Variants in PCDH15 observed in about 807,000 individuals in gnomAD.
PCDH15 encodes protocadherin-15.
Under a neutral mutation model 178.5 loss-of-function variants are expected in PCDH15, and 129 were observed. The observed-to-expected ratio is 0.72, with a 90% confidence interval of 0.63 to 0.84. The LOEUF is 0.84. Ranked by LOEUF, PCDH15 falls within the 40% of genes least tolerant of loss-of-function variation. PCDH15 has a pLI of 0.00. For missense variants in PCDH15, 2,230 were observed against 2,099.9 expected (o/e 1.06, Z -1.21); for synonymous variants, 800 against 732.0 (o/e 1.09, Z -1.50).
chr10:53,924,044 T>C (rs1451465872), intron 25 of PCDH15, among the ~76,000 whole-genome samples: 2 of 152,160 alleles, frequency 1.3e-5, no homozygotes, highest in African/African-American at 4.8e-5. Context: ...CCTCGCTTGA[T>C]CTCAGCACCT....
chr10:55,453,805 C>G (rs957538610), intron 2 of PCDH15, among the ~76,000 whole-genome samples: 9 of 152,082 alleles, frequency 5.9e-5, no homozygotes, highest in East Asian at 1.9e-4. Context: ...CAGGCTTCTT[C>G]TTGCATTAAA....
intron 3 of PCDH15, among the ~76,000 whole-genome samples, chr10:54,485,822 G>T (rs2079061906): frequency 6.6e-6 from 1 of 151,972 alleles, no homozygotes; most frequent in Non-Finnish European, 1.5e-5. Context: ...CATAAATCTG[G>T]CAAAATAAAT....
At chr10:54,114,077 G>A (rs2095071875) in intron 15 of PCDH15, among the ~76,000 whole-genome samples, 1 of 152,102 alleles carries the variant, frequency 6.6e-6, no homozygotes, top group African/African-American at 2.4e-5. Flanking sequence ...AACACGTGGG[G>A]ATTATTACAA....
intron 2 of PCDH15, among the ~76,000 whole-genome samples, chr10:55,351,625 T>C (rs1844937520): frequency 6.6e-6 from 1 of 152,186 alleles, no homozygotes; most frequent in Non-Finnish European, 1.5e-5. Context: ...TTGTTTGCTT[T>C]CTCCACTGAA....
Position 54,593,728 on chromosome 10 carries a change from G to A in PCDH15, c.92-65851C>T, listed in dbSNP as rs372457075. 4.4e-3 allele frequency among the ~76,000 whole-genome samples: 674 copies of A among 152,156 alleles called. 3 individuals are homozygous for A. The highest frequency in any genetic ancestry group is 7.7e-3 in the Non-Finnish European group (522 of 68,004). On this transcript the variant is annotated intron_variant, in intron 2 of 37. Transcript: ENST00000644397. ...CTGTAAAGAATGCCATTGGAATTTTGACAGGGATTGCATGAACCTGTTGAT... is the reference window on the plus strand; with the variant it reads ...CTGTAAAGAATGCCATTGGAATTTTAACAGGGATTGCATGAACCTGTTGAT...
At position 54,522,927 on chromosome 10, in the gene PCDH15, G is replaced by A. The variant is rs537544082; in HGVS notation, c.157+4885C>T. On this transcript the variant is annotated intron_variant, in intron 3 of 37. Transcript: ENST00000644397. The stretch of plus-strand genomic sequence containing the variant: ...TAATTTTAATACTAAACTTTGACTA[G>A]GAACTATTGTCTTTCTTACTCAAAA... Among the ~76,000 whole-genome samples, 12 of 152,248 alleles carry A rather than the reference G, an allele frequency of 7.9e-5. No individual in the cohort carries two copies. The East Asian group carries it at 2.1e-3, about 27-fold the overall frequency.
chr10:54,092,694 G>A (rs1325324230), intron 15 of PCDH15, among the ~76,000 whole-genome samples: 1 of 152,026 alleles, frequency 6.6e-6, no homozygotes, highest in Non-Finnish European at 1.5e-5. Flanking sequence ...CTTGCATTCT[G>A]TTCTTTGCTA....
At chr10:54,708,079 G>T (rs988809145) in intron 1 of PCDH15, among the ~76,000 whole-genome samples, 2 of 152,200 alleles carry the variant, frequency 1.3e-5, no homozygotes, top group African/African-American at 4.8e-5. Context: ...TGCATATGTT[G>T]TAGGAACTAT....
At chr10:54,444,265 G>A (rs933658200) in intron 3 of PCDH15, among the ~76,000 whole-genome samples, 6 of 151,636 alleles carry the variant, frequency 4.0e-5, no homozygotes, top group African/African-American at 1.5e-4. Context: ...GCATCCCATT[G>A]CCAAAGGGAA....
At chr10:55,602,410 T>A (rs576276011) in intron 2 of PCDH15, among the ~76,000 whole-genome samples, 3 of 152,260 alleles carry the variant, frequency 2.0e-5, no homozygotes, top group East Asian at 1.9e-4. Context: ...CCTGCCTGCC[T>A]CTGTAGGCTC....
At chr10:54,627,178 A>T (rs2093578951) in intron 2 of PCDH15, among the ~76,000 whole-genome samples, 1 of 152,176 alleles carries the variant, frequency 6.6e-6, no homozygotes, top group Non-Finnish European at 1.5e-5. Context: ...GTCTAGGATA[A>T]GACTCTGGAC....
chr10:55,377,038 G>T (rs540500358), intron 2 of PCDH15, among the ~76,000 whole-genome samples: 1 of 151,232 alleles, frequency 6.6e-6, no homozygotes, highest in South Asian at 2.1e-4. Flanking sequence ...GTGTTTAAAT[G>T]TAATTGATGA....
In PCDH15 at chr10:55,234,555, T is replaced by C. The variant is rs1321676630; in HGVS notation, c.-155-67904A>G. Among the ~76,000 whole-genome samples the C allele has an allele frequency of 9.2e-5, 14 of 151,922 alleles. No homozygotes were observed. In the East Asian group the frequency reaches 2.7e-3, roughly 30 times the overall value. ...ACTAATTTTTTTGGTTGGGTGGATT[T>C]CTTTTTGTAGAAATGGGGTCTCACC... is the stretch of plus-strand genomic sequence containing the variant. On this transcript the variant is annotated intron_variant, in intron 1 of 5. Coordinates refer to the PCDH15 transcript ENST00000458638.
chr10:54,183,318 T>G, intron 13 of PCDH15, 126 bp downstream of exon 13: 1 of 959,216 alleles, frequency 1.0e-6, no homozygotes, highest in South Asian at 1.3e-5. Context: ...CTATTTAAAC[T>G]AATTATGCTA....
chr10:55,351,133 A>T (rs1292457239), intron 2 of PCDH15, among the ~76,000 whole-genome samples: 1 of 147,370 alleles, frequency 6.8e-6, no homozygotes, highest in South Asian at 2.2e-4. Flanking sequence ...AGACAAATTT[A>T]AACCTACCTA....
chr10:54,833,952 T>C (rs761150315), intron 3 of PCDH15, among the ~76,000 whole-genome samples: 4 of 152,122 alleles, frequency 2.6e-5, no homozygotes, highest in Non-Finnish European at 4.4e-5. Context: ...TATTTTAATA[T>C]TTTTAACAAT....
chr10:54,663,483 A>C (rs2094522473), intron 2 of PCDH15, among the ~76,000 whole-genome samples: 2 of 149,672 alleles, frequency 1.3e-5, no homozygotes, highest in African/African-American at 4.9e-5. Flanking sequence ...ATTATAGGCT[A>C]TTCTAAGACA....
chr10:54,937,427 T>C (rs184368276), intron 2 of PCDH15, among the ~76,000 whole-genome samples: 8 of 152,166 alleles, frequency 5.3e-5, no homozygotes, highest in Admixed American at 4.6e-4. Flanking sequence ...CTTAATGATA[T>C]TAAATCTCCT....
rs188160521 is a variant in PCDH15 at position 54,766,423 on chromosome 10, C to T, written c.-29+34502G>A. Reference sequence around the variant, plus strand: ...GCTTCTGCTTTAAATTATATCAACGCTTAATTACCATTTAAAGCTTATTAT... The same window carrying T: ...GCTTCTGCTTTAAATTATATCAACGTTTAATTACCATTTAAAGCTTATTAT... On this transcript the variant is annotated intron_variant, in intron 1 of 37. Coordinates refer to ENST00000644397, the MANE Select transcript of PCDH15 (RefSeq NM_001384140.1). Among the ~76,000 whole-genome samples the T allele has an allele frequency of 5.6e-3, 844 of 152,042 alleles. 6 individuals carry two copies. Among genetic ancestry groups the T allele is most frequent in the Non-Finnish European group, 6.3e-3 (427 of 67,994 alleles).
Sources: allele counts gnomAD v4.1 joint callset (sites outside exome capture counted in the v4.1 genomes callset), GRCh38; gene constraint gnomAD v4.1.1; transcripts MANE v1.5; gene names NCBI Gene and HGNC (gene_info 2026-07-23, HGNC 2026-07-21).